Variants in FHIT observed in about 807,000 individuals in gnomAD.
FHIT encodes the protein bis(5'-adenosyl)-triphosphatase.
A neutral mutation model predicts 17.9 loss-of-function variants in FHIT; 19 were observed. That is an observed-to-expected ratio of 1.06 (90% CI 0.74 to 1.56). The LOEUF is 1.56. FHIT is among the 40% of genes most tolerant of loss of function. FHIT has a pLI of 0.00. For missense variants in FHIT, 248 were observed against 189.2 expected (o/e 1.31, Z -1.82); for synonymous variants, 81 against 69.7 (o/e 1.16, Z -0.81).
intron 7 of FHIT, among the ~76,000 whole-genome samples, chr3:59,965,346 A>T (rs529190370): frequency 6.6e-5 from 10 of 152,268 alleles, no homozygotes; most frequent in African/African-American, 2.2e-4. Flanking sequence ...GTGACAATAT[A>T]TATCTAATTA....
intron 7 of FHIT, among the ~76,000 whole-genome samples, chr3:59,969,698 C>T (rs751310907): frequency 1.2e-4 from 19 of 152,046 alleles, no homozygotes; most frequent in South Asian, 6.2e-4. Context: ...GGATATTTCC[C>T]TCAATGGGCA....
intron 7 of FHIT, among the ~76,000 whole-genome samples, chr3:59,963,210 T>A (rs1196747122): frequency 6.6e-6 from 1 of 151,222 alleles, no homozygotes; most frequent in Admixed American, 6.6e-5. Flanking sequence ...GAGTTCGCAA[T>A]GAGCCGAGAT....
At chr3:61,022,651 C>A (rs1174276360) in intron 3 of FHIT, among the ~76,000 whole-genome samples, 1 of 152,200 alleles carries the variant, frequency 6.6e-6, no homozygotes, top group Non-Finnish European at 1.5e-5. Context: ...CCACCACGAT[C>A]AAGTTGGCTT....
chr3:60,415,657 A>T (rs1023955060), intron 5 of FHIT, among the ~76,000 whole-genome samples: 1 of 151,818 alleles, frequency 6.6e-6, no homozygotes, highest in Non-Finnish European at 1.5e-5. Context: ...TACACTGGAC[A>T]TATCTATCCA....
chr3:60,635,721 A>G (rs1553683656), intron 4 of FHIT, among the ~76,000 whole-genome samples: 1 of 152,162 alleles, frequency 6.6e-6, no homozygotes, highest in Non-Finnish European at 1.5e-5. Context: ...TGGCCGAGTC[A>G]GAATTGGAAC....
chr3:60,055,701 C>T (rs1702054725), intron 5 of FHIT, among the ~76,000 whole-genome samples: 1 of 152,102 alleles, frequency 6.6e-6, no homozygotes, highest in Admixed American at 6.6e-5. Flanking sequence ...GTTGAAGGGC[C>T]AGATTTTTCA....
intron 2 of FHIT, among the ~76,000 whole-genome samples, chr3:61,047,025 C>T (rs964533965): frequency 7.2e-5 from 11 of 152,314 alleles, no homozygotes; most frequent in East Asian, 1.9e-4. Context: ...GACAAACCCA[C>T]AGCCAATATC....
At chr3:59,801,655 C>G (rs574816430) in intron 8 of FHIT, among the ~76,000 whole-genome samples, 1 of 152,094 alleles carries the variant, frequency 6.6e-6, no homozygotes, top group Admixed American at 6.6e-5. Flanking sequence ...ATGCTAGATA[C>G]ACCACCAAGC....
At chr3:61,084,159 A>G (rs867243030) in intron 2 of FHIT, among the ~76,000 whole-genome samples, 21 of 152,328 alleles carry the variant, frequency 1.4e-4, no homozygotes, top group Middle Eastern at 3.4e-3. Context: ...GCACTATTTA[A>G]TGAAAAGATC....
At chr3:59,934,379 C>T (rs577138287) in intron 7 of FHIT, among the ~76,000 whole-genome samples, 92 of 152,188 alleles carry the variant, frequency 6.0e-4, no homozygotes, top group Middle Eastern at 6.8e-3. Flanking sequence ...GCCCCTGCAC[C>T]CCCTGCTATT....
In FHIT at chr3:60,218,857, CTACATACA is replaced by C. The variant is rs36071604; in HGVS notation, c.104-204713_104-204706del. On this transcript the variant is annotated intron_variant, in intron 5 of 9. Coordinates refer to ENST00000492590, the MANE Select transcript of FHIT (RefSeq NM_002012.4). ...GTCTGAGCTCTTAACTCTATACTGC[CTACATACA>C]TACATACATACATACATATATACAT... Among the ~76,000 whole-genome samples the C allele has an allele frequency of 1.2e-3, 187 of 151,822 alleles. 1 individual carries two copies. The highest frequency in any genetic ancestry group is 4.5e-3 in the African/African-American group (184 of 41,326).
chr3:59,974,772 T>C (rs1264244719), intron 7 of FHIT, among the ~76,000 whole-genome samples: 1 of 152,120 alleles, frequency 6.6e-6, no homozygotes, highest in African/African-American at 2.4e-5. Context: ...CAGTTTCATG[T>C]TGCAAAGCTA....
intron 2 of FHIT, among the ~76,000 whole-genome samples, chr3:61,152,182 G>A (rs1400016599): frequency 1.3e-5 from 2 of 152,120 alleles, no homozygotes; most frequent in Admixed American, 1.3e-4. Context: ...GAAACTTAAC[G>A]AATGGGTAAG....
chr3:60,011,589 G>C (rs7622777), intron 6 of FHIT, among the ~76,000 whole-genome samples, 189 bp from the exon 7 acceptor site: 1 of 152,206 alleles, frequency 6.6e-6, no homozygotes, highest in East Asian at 1.9e-4. Context: ...GAGTAAGTGC[G>C]AAGTTATGTA....
At chr3:59,973,893 T>A (rs189214614) in intron 7 of FHIT, among the ~76,000 whole-genome samples, 5 of 152,042 alleles carry the variant, frequency 3.3e-5, no homozygotes, top group Non-Finnish European at 7.4e-5. Flanking sequence ...CTATTTCTTC[T>A]TGTGGTACTA....
At chr3:60,591,061 C>T (rs928244823) in intron 4 of FHIT, among the ~76,000 whole-genome samples, 2 of 152,034 alleles carry the variant, frequency 1.3e-5, no homozygotes, top group African/African-American at 4.8e-5. Context: ...TACAGTCAGC[C>T]CAGGATTAGA....
At chr3:60,486,625 A>G (rs1052579293) in intron 5 of FHIT, among the ~76,000 whole-genome samples, 13 of 152,204 alleles carry the variant, frequency 8.5e-5, no homozygotes, top group Admixed American at 4.6e-4. Flanking sequence ...TCCTCCATTA[A>G]TTATTGAAGG....
At chr3:60,007,012 C>A (rs972911608) in intron 7 of FHIT, among the ~76,000 whole-genome samples, 1 of 152,148 alleles carries the variant, frequency 6.6e-6, no homozygotes, top group African/African-American at 2.4e-5. Flanking sequence ...CTACTTCCCA[C>A]TGCGTTAATA....
At chr3:60,769,861 T>C (rs1387385645) in intron 4 of FHIT, among the ~76,000 whole-genome samples, 1 of 152,226 alleles carries the variant, frequency 6.6e-6, no homozygotes, top group African/African-American at 2.4e-5. Flanking sequence ...TATAGAAGTA[T>C]GGCCTTTTCA....
Sources: allele counts gnomAD v4.1 joint callset (sites outside exome capture counted in the v4.1 genomes callset), GRCh38; gene constraint gnomAD v4.1.1; transcripts MANE v1.5; gene names NCBI Gene and HGNC (gene_info 2026-07-23, HGNC 2026-07-21).